Variants in XPNPEP3 observed in about 807,000 individuals in gnomAD.
XPNPEP3 encodes the protein xaa-Pro aminopeptidase 3.
Under a neutral mutation model 60.0 loss-of-function variants are expected in XPNPEP3, and 41 were observed. That is an observed-to-expected ratio of 0.68 (90% CI 0.53 to 0.89). XPNPEP3 has a LOEUF of 0.89. Ranked by LOEUF, XPNPEP3 falls within the 40% of genes least tolerant of loss-of-function variation. The probability of loss-of-function intolerance (pLI) is 0.00; values close to 1 mark genes in which losing one functional copy is unlikely to be tolerated. For missense variants in XPNPEP3, 598 were observed against 638.9 expected (o/e 0.94, Z 0.69); for synonymous variants, 212 against 223.2 (o/e 0.95, Z 0.45).
At chr22:40,904,573 A>G (rs1365687483) in intron 4 of XPNPEP3, among the ~76,000 whole-genome samples, 1 of 152,138 alleles carries the variant, frequency 6.6e-6, no homozygotes, top group African/African-American at 2.4e-5. Context: ...TTTTTAAGCC[A>G]TGACAACAAT....
At chr22:40,908,816 C>T (rs1238960211) in intron 5 of XPNPEP3, among the ~76,000 whole-genome samples, 1 of 151,912 alleles carries the variant, frequency 6.6e-6, no homozygotes, top group Non-Finnish European at 1.5e-5. Context: ...ATCTTCTAGA[C>T]TTAATTTGAA....
At chr22:40,862,262 C>T (rs1046838686) in intron 1 of XPNPEP3, 43 of 1,156,198 alleles carry the variant, frequency 3.7e-5, no homozygotes, top group Non-Finnish European at 4.5e-5. Flanking sequence ...AGTCCAGAGT[C>T]GTACCAGACC....
At chr22:40,859,974 C>T (rs1392517124) in intron 1 of XPNPEP3, 1 of 152,072 alleles carries the variant, frequency 6.6e-6, no homozygotes, top group Non-Finnish European at 1.5e-5. Flanking sequence ...TGATGGCCTA[C>T]CATACAGACT....
At chr22:40,908,780 A>C (rs2058165878) in intron 5 of XPNPEP3, among the ~76,000 whole-genome samples, 1 of 152,260 alleles carries the variant, frequency 6.6e-6, no homozygotes, top group African/African-American at 2.4e-5. Context: ...TAGTATTTCA[A>C]GGCTCAGCCT....
chr22:40,867,954 A>AT (rs1569014945), intron 1 of XPNPEP3, among the ~76,000 whole-genome samples: 1 of 150,490 alleles, frequency 6.6e-6, no homozygotes, highest in Non-Finnish European at 1.5e-5. Flanking sequence ...AAAAAAAAAA[A>AT]CCCAACAAAC....
intron 9 of XPNPEP3, among the ~76,000 whole-genome samples, chr22:40,925,976 C>CT (rs2058233194): frequency 6.6e-6 from 1 of 152,166 alleles, no homozygotes; most frequent in African/African-American, 2.4e-5. Flanking sequence ...GCTTGAGCCA[C>CT]TAGAATATGA....
chr22:40,917,617 C>CATTATGGTTCATCCTGTA (rs1262472983), intron 7 of XPNPEP3: 1 of 151,834 alleles, frequency 6.6e-6, no homozygotes, highest in East Asian at 1.9e-4. Context: ...TTCGGTCAGG[C>CATTATGGTTCATCCTGTA]ATTATGGTTC....
At chr22:40,862,460 T>G (rs1460949052) in intron 1 of XPNPEP3, 1 of 986,526 alleles carries the variant, frequency 1.0e-6, no homozygotes, top group East Asian at 1.1e-4. Context: ...AAGTACTGAC[T>G]TACGGGTGAA....
In XPNPEP3 at chr22:40,869,714, T is replaced by C. The variant is rs1231935255; in HGVS notation, c.181+599T>C. On this transcript the variant is annotated intron_variant, in intron 2 of 9. Transcript: ENST00000357137. ...TTCTGCTATAAGATCCCAGCGTTGC[T>C]GCCAGAAGATGTCTTATAACTATTG... Among the ~76,000 whole-genome samples, 5 of 152,230 alleles carry C rather than the reference T, an allele frequency of 3.3e-5. No individual in the cohort carries two copies. In the East Asian group the frequency reaches 7.7e-4, roughly 23 times the overall value.
At chr22:40,888,479 A>G in intron 4 of XPNPEP3, 1 of 406,338 alleles carries the variant, frequency 2.5e-6, no homozygotes, top group South Asian at 1.7e-5. Flanking sequence ...CCTGAGCTCA[A>G]GCAGTCCGCC....
At chr22:40,900,990 A>C (rs2058130047) in intron 4 of XPNPEP3, among the ~76,000 whole-genome samples, 1 of 151,474 alleles carries the variant, frequency 6.6e-6, no homozygotes, top group Non-Finnish European at 1.5e-5. Context: ...GTGGTGGCTC[A>C]TACCTGTAAT....
rs1363409508 is a variant in XPNPEP3 at position 40,931,736 on chromosome 22, G to A, written c.*5301G>A. ...TAAAAAAGAAGAGAAAAACTGGAGT[G>A]AGAACTCTCCTCCTCTCATAATCAT... On this transcript the variant is annotated 3_prime_UTR_variant, in exon 10 of 10. Transcript: ENST00000357137. 6.6e-6 allele frequency: 1 copy of A among 152,070 alleles called. No homozygotes were observed. Among genetic ancestry groups the A allele is most frequent in the Non-Finnish European group, 1.5e-5 (1 of 68,006 alleles). 9.4% of individuals were successfully genotyped at this position (152,070 alleles called of 1,614,324 possible). A position where few individuals can be genotyped will look rare whatever the true frequency, so the allele number is the denominator to read the frequency against.
chr22:40,914,518 GTAAC>G (rs1420108173), intron 7 of XPNPEP3, among the ~76,000 whole-genome samples, 194 bp downstream of exon 7: 2 of 147,776 alleles, frequency 1.4e-5, no homozygotes, highest in Non-Finnish European at 3.0e-5. Context: ...AAACACCTAG[GTAAC>G]TAACAAAGAT....
chr22:40,884,582 C>T (rs974897450), intron 3 of XPNPEP3, among the ~76,000 whole-genome samples: 1 of 151,564 alleles, frequency 6.6e-6, no homozygotes, highest in Non-Finnish European at 1.5e-5. Flanking sequence ...GATCCACCCC[C>T]CTCAGCCTCC....
intron 1 of XPNPEP3, chr22:40,860,522 C>G (rs1486290470): frequency 3.0e-6 from 2 of 660,822 alleles, no homozygotes; most frequent in Non-Finnish European, 4.5e-6. Flanking sequence ...TGTCTTGATA[C>G]ATTCTTGTCT....
At chr22:40,871,360 C>G (rs7291901) in intron 2 of XPNPEP3, among the ~76,000 whole-genome samples, 18 of 152,020 alleles carry the variant, frequency 1.2e-4, no homozygotes, top group African/African-American at 4.3e-4. Flanking sequence ...CTCTCTCTCT[C>G]AAAAAAAGTC....
At chr22:40,897,714 G>A (rs1249509305) in intron 4 of XPNPEP3, among the ~76,000 whole-genome samples, 1 of 152,050 alleles carries the variant, frequency 6.6e-6, no homozygotes, top group African/African-American at 2.4e-5. Context: ...ATGCACAAGG[G>A]TTCCAGTTTT....
At chr22:40,868,893 G>A (rs1601490987) in intron 1 of XPNPEP3, 106 bp from the exon 2 acceptor site, 1 of 882,996 alleles carries the variant, frequency 1.1e-6, no homozygotes, top group East Asian at 2.4e-5. Context: ...GGAAATATTA[G>A]TTTGCATTTT....
chr22:40,893,638 T>C (rs2058097022), intron 4 of XPNPEP3, among the ~76,000 whole-genome samples: 1 of 152,018 alleles, frequency 6.6e-6, no homozygotes, highest in Admixed American at 6.6e-5. Flanking sequence ...TGTTTTGAGA[T>C]GGAGTTTCAC....
Sources: allele counts gnomAD v4.1 joint callset (sites outside exome capture counted in the v4.1 genomes callset), GRCh38; gene constraint gnomAD v4.1.1; transcripts MANE v1.5; gene names NCBI Gene and HGNC (gene_info 2026-07-23, HGNC 2026-07-21).